Variants in EXD1 observed in about 807,000 individuals in gnomAD.
The protein encoded by EXD1 is exonuclease 3'-5' domain containing 1, also known as piRNA biogenesis protein EXD1.
Under a neutral mutation model 49.1 loss-of-function variants are expected in EXD1, and 63 were observed. The observed-to-expected ratio is 1.28, with a 90% confidence interval of 1.05 to 1.58. EXD1 has a LOEUF of 1.58. Ranked by LOEUF, EXD1 falls within the 40% of genes most tolerant of loss-of-function variation. The pLI, the probability that EXD1 is intolerant of heterozygous loss-of-function variation, is 0.00. For missense variants in EXD1, 748 were observed against 666.0 expected, an observed-to-expected ratio of 1.12 and a Z score of -1.36; for synonymous variants, 234 against 239.2, an observed-to-expected ratio of 0.98 and a Z score of 0.20.
intron 2 of EXD1, among the ~76,000 whole-genome samples, chr15:41,222,501 A>G (rs7166182): frequency 0.16 from 24,901 of 152,188 alleles, 3,789 homozygotes; most frequent in African/African-American, 0.4. Context: ...TTCCTAATTC[A>G]AGCACTTCTA....
chr15:41,227,916 G>A (rs2047187756), intron 1 of EXD1, among the ~76,000 whole-genome samples: 1 of 151,884 alleles, frequency 6.6e-6, no homozygotes, highest in African/African-American at 2.4e-5. Context: ...CAGCTGTAGT[G>A]ACGCACACCT....
chr15:41,197,536 G>T (rs1005999492), intron 7 of EXD1, among the ~76,000 whole-genome samples: 3 of 151,832 alleles, frequency 2.0e-5, no homozygotes, highest in Non-Finnish European at 4.4e-5. Context: ...GCCAATGATA[G>T]GTACTTGATT....
chr15:41,196,813 C>T (rs904135673), intron 7 of EXD1, among the ~76,000 whole-genome samples: 2 of 151,720 alleles, frequency 1.3e-5, no homozygotes, highest in Admixed American at 6.6e-5. Flanking sequence ...ATGATCCACC[C>T]GTATCAGCCT....
At chr15:41,190,790 C>T (rs1437731842) in intron 10 of EXD1, among the ~76,000 whole-genome samples, 1 of 152,164 alleles carries the variant, frequency 6.6e-6, no homozygotes, top group African/African-American at 2.4e-5. Context: ...ATTTACTTTA[C>T]TTTGGGAGAA....
chr15:41,201,712 A>G (rs951914365), intron 7 of EXD1, among the ~76,000 whole-genome samples: 2 of 151,910 alleles, frequency 1.3e-5, no homozygotes, highest in African/African-American at 4.8e-5. Flanking sequence ...CTGGTCTCAA[A>G]TCCCTGACCT....
chr15:41,198,782 T>C (rs9972622), intron 7 of EXD1, among the ~76,000 whole-genome samples: 76,524 of 150,624 alleles, frequency 0.51, 21,230 homozygotes, highest in African/African-American at 0.75. Flanking sequence ...CTCGGCTCAC[T>C]GAAACCTCTG....
In EXD1 at chr15:41,189,671, T is replaced by A. The variant is rs950512560; in HGVS notation, c.1056+266A>T. Among the ~76,000 whole-genome samples the A allele has an allele frequency of 4.5e-4, 68 of 151,228 alleles. 1 individual carries two copies. The highest frequency in any genetic ancestry group is 7.9e-4 in the Admixed American group (12 of 15,134). ...GAGTGAGACTCTGTCTCAAAAAAAA[T>A]AAATAAATAAAATAAAATAAAATAA... is the stretch of plus-strand genomic sequence containing the variant. On this transcript the variant is annotated intron_variant, in intron 11 of 11. Transcript: ENST00000458580.
chr15:41,209,166 G>A (rs144787689), intron 7 of EXD1, among the ~76,000 whole-genome samples: 23 of 152,204 alleles, frequency 1.5e-4, no homozygotes, highest in African/African-American at 5.5e-4. Context: ...GCCTATCCCT[G>A]TAATCCCAGT....
At chr15:41,228,748 G>C (rs2047196879) in intron 1 of EXD1, among the ~76,000 whole-genome samples, 1 of 152,040 alleles carries the variant, frequency 6.6e-6, no homozygotes, top group Non-Finnish European at 1.5e-5. Flanking sequence ...CGCCAGGCTG[G>C]AGTGCAGTAC....
chr15:41,209,685 A>C (rs1002114289), intron 6 of EXD1, 98 bp from the exon 7 acceptor site: 2 of 1,009,390 alleles, frequency 2.0e-6, no homozygotes, highest in Admixed American at 4.7e-5. Context: ...CAGTAAACAA[A>C]GTGCATCATC....
chr15:41,215,554 C>T (rs1203348441), intron 6 of EXD1, among the ~76,000 whole-genome samples: 2 of 151,814 alleles, frequency 1.3e-5, no homozygotes, highest in East Asian at 1.9e-4. Flanking sequence ...GGCGTGGTGG[C>T]GGGCACCTGT....
intron 6 of EXD1, among the ~76,000 whole-genome samples, chr15:41,211,334 C>G (rs2046917878): frequency 6.6e-6 from 1 of 151,948 alleles, no homozygotes; most frequent in South Asian, 2.1e-4. Flanking sequence ...TGGTCTGTAA[C>G]TCCTGGGCTC....
In EXD1 at chr15:41,186,889, T is replaced by C. The variant is rs113576051; in HGVS notation, c.1057-2296A>G. On this transcript the variant is annotated intron_variant, in intron 11 of 11. Transcript: ENST00000458580. ...TCCTGGGTTCAAGCGATTCTTTTTT[T>C]TTTTCTTTTTTTTTTTTTTGAGATG... 9.2e-3 allele frequency among the ~76,000 whole-genome samples: 1,367 copies of C among 148,476 alleles called. 21 individuals carry two copies. The highest frequency in any genetic ancestry group is 0.033 in the African/African-American group (1,309 of 39,994).
intron 11 of EXD1, among the ~76,000 whole-genome samples, chr15:41,186,454 G>A (rs1361021563): frequency 1.8e-5 from 2 of 110,540 alleles, no homozygotes; most frequent in Middle Eastern, 8.2e-3. Context: ...CCTGGGTGAT[G>A]AGCAAGACTC....
chr15:41,184,515 C>T lies in EXD1; in HGVS notation c.1135G>A (p.Glu379Lys), dbSNP rs764773289. The T allele has an allele frequency of 1.1e-5, 17 of 1,613,484 alleles. No individual in the cohort carries two copies. The African/African-American group carries it at 1.7e-4, about 16-fold the overall frequency. The change falls in exon 12 of 12, where the codon GAA becomes AAA. Residue 379 changes from glutamate to lysine, a missense_variant. Transcript: ENST00000458580. ...AGTCCCTGTGCATTCACCCTATATT[C>T]TCTTGCAGCTTTCTCCCTGCGCTGC... is the stretch of plus-strand genomic sequence containing the variant. ...QKQRREKAAR[E>K]YRVNAQGLLI...
chr15:41,225,444 A>G (rs991020939), intron 2 of EXD1, among the ~76,000 whole-genome samples: 21 of 151,688 alleles, frequency 1.4e-4, no homozygotes, highest in Non-Finnish European at 2.8e-4. Flanking sequence ...AATTAGCCAG[A>G]CTTGGTGATG....
intron 7 of EXD1, among the ~76,000 whole-genome samples, chr15:41,199,616 T>C (rs959356837): frequency 7.0e-6 from 1 of 143,132 alleles, no homozygotes; most frequent in Non-Finnish European, 1.5e-5. Flanking sequence ...ATATTATATA[T>C]ATTGTGTTAG....
intron 7 of EXD1, among the ~76,000 whole-genome samples, chr15:41,198,866 C>T (rs961676858): frequency 6.6e-6 from 1 of 151,526 alleles, no homozygotes; most frequent in African/African-American, 2.4e-5. Context: ...CCACCACGCC[C>T]GGGTAATTTG....
At chr15:41,228,474 A>G (rs1004798588) in intron 1 of EXD1, among the ~76,000 whole-genome samples, 2 of 152,226 alleles carry the variant, frequency 1.3e-5, no homozygotes, top group Non-Finnish European at 2.9e-5. Flanking sequence ...CCAAAGTCAC[A>G]CAGCTAGAAG....
Sources: allele counts gnomAD v4.1 joint callset (sites outside exome capture counted in the v4.1 genomes callset), GRCh38; gene constraint gnomAD v4.1.1; transcripts MANE v1.5; gene names NCBI Gene and HGNC (gene_info 2026-07-23, HGNC 2026-07-21).